XRN1: variants seen among roughly 807,000 people sequenced by gnomAD.
XRN1 encodes the protein 5'-3' exoribonuclease 1, also known as strand-exchange protein 1 homolog.
Under a neutral mutation model 222.3 loss-of-function variants are expected in XRN1, and 67 were observed. The observed-to-expected ratio is 0.30, with a 90% CI of 0.25 to 0.37. The LOEUF (loss-of-function observed/expected upper bound fraction) is 0.37, where lower values mean the gene tolerates loss of function less well. XRN1 is among the 10% of genes least tolerant of loss of function. XRN1 has a pLI of 1.00. For synonymous variants in XRN1, 643 were observed against 652.4 expected, an observed-to-expected ratio of 0.99 and a Z score of 0.22; for missense variants, 1,707 against 2,000.2, an observed-to-expected ratio of 0.85 and a Z score of 2.80.
intron 23 of XRN1, among the ~76,000 whole-genome samples, chr3:142,379,297 C>A (rs925655268): frequency 6.6e-6 from 1 of 151,700 alleles, no homozygotes; most frequent in African/African-American, 2.4e-5. Context: ...AAAACCAAAA[C>A]CAAAACAAAA....
Position 142,404,955 on chromosome 3 carries a change from G to C in XRN1, c.1835C>G (p.Pro612Arg), listed in dbSNP as rs746652025. 2 of 1,613,850 alleles carry C rather than the reference G, an allele frequency of 1.2e-6. No individual in the cohort carries two copies. Among genetic ancestry groups the C allele is most frequent in the South Asian group, 2.2e-5 (2 of 91,074 alleles). The change falls in exon 16 of 41, where the codon CCT (proline) becomes CGT (arginine). Residue 612 changes from proline (P) to arginine (R), a missense_variant. Pro to Arg is a moderately radical substitution (Grantham distance 103, BLOSUM62 -2). This residue lies in a region of XRN1 where 1,234 missense variants were observed against 1,518.2 expected (regional missense o/e 0.81). Coordinates refer to ENST00000392981, the MANE Select transcript of XRN1 (RefSeq NM_001282857.2). ...AGGGAACTTTTCTGGCCATGGAGAA[G>C]GATAGATAAACTCTGTGTCTCTATC... is the stretch of plus-strand genomic sequence containing the variant. ...WYDRDTEFIY[P>R]SPWPEKFPAI... is the part of the protein sequence containing the mutation.
At chr3:142,348,970 G>C (rs1422813500) in intron 32 of XRN1, among the ~76,000 whole-genome samples, 1 of 151,016 alleles carries the variant, frequency 6.6e-6, no homozygotes, top group Admixed American at 6.6e-5. Context: ...TTTTGTTTTT[G>C]AGACAGGGTG....
chr3:142,355,617 T>C lies in XRN1; in HGVS notation c.3673-121A>G, dbSNP rs140447860. 4.4e-4 allele frequency: 263 copies of C among 596,236 alleles called. No individual in the cohort carries two copies. In the African/African-American group the frequency reaches 4.7e-3, roughly 11 times the overall value. The allele number at this position is 596,236 out of a possible 1,614,324, so 36.9% of individuals were successfully genotyped here. On this transcript the variant is annotated intron_variant, in intron 31 of 40. Transcript: ENST00000392981. ...TGGTAGACAGGATATTAAACCTTTT[T>C]TTTTTGACTTGGGGTCTTACTCATG...
chr3:142,313,246 T>G, intron 39 of XRN1: 1 of 1,519,596 alleles, frequency 6.6e-7, no homozygotes, highest in Non-Finnish European at 9.0e-7. Flanking sequence ...ATCTTTCTTT[T>G]CTCTATTTTA....
rs2069210643 is a variant in XRN1, at chr3:142,425,516, T to C, written c.429A>G (p.Leu143=). The C allele has an allele frequency of 1.2e-6, 2 of 1,612,652 alleles. No individual in the cohort carries two copies. The highest frequency in any genetic ancestry group is 1.7e-5 in the Admixed American group (1 of 59,868). Residue 143 remains leucine, a synonymous_variant, in exon 4 of 41, where the codon TTA becomes TTG. Transcript: ENST00000392981. ...TTACAAAATACTTCAGATGTTCATGTAACCTGGCCATAAATTCAGTTCCTA... is the reference window on the plus strand; with the variant it reads ...TTACAAAATACTTCAGATGTTCATGCAACCTGGCCATAAATTCAGTTCCTA... ...ITPGTEFMAR[L]HEHLKYFVNM...
At chr3:142,380,203 G>GTAT (rs1559832609) in intron 22 of XRN1, 23 bp from the exon 23 acceptor site, 1 of 1,573,124 alleles carries the variant, frequency 6.4e-7, no homozygotes, top group Non-Finnish European at 8.7e-7. Context: ...AAAAATCACA[G>GTAT]TATAGTCTCT....
chr3:142,336,324 A>T (rs1427081752), intron 33 of XRN1, among the ~76,000 whole-genome samples: 1 of 152,150 alleles, frequency 6.6e-6, no homozygotes, highest in Admixed American at 6.5e-5. Context: ...ATACTGGATT[A>T]TATAGCTATA....
intron 25 of XRN1, among the ~76,000 whole-genome samples, chr3:142,372,669 C>T (rs1484059895): frequency 6.6e-6 from 1 of 152,204 alleles, no homozygotes; most frequent in South Asian, 2.1e-4. Context: ...CAGCTGAGGG[C>T]TGCCGGAAAG....
intron 32 of XRN1, among the ~76,000 whole-genome samples, chr3:142,354,843 A>C (rs2066417671): frequency 2.0e-5 from 3 of 152,180 alleles, no homozygotes; most frequent in Admixed American, 2.0e-4. Context: ...ATTTTTAAAA[A>C]TGTGGTATAT....
chr3:142,360,559 TA>T (rs1482361855), intron 29 of XRN1, among the ~76,000 whole-genome samples: 11 of 149,044 alleles, frequency 7.4e-5, no homozygotes, highest in East Asian at 2.0e-4. Context: ...TGTACTTTTT[TA>T]AAAAAAAAAA....
intron 1 of XRN1, among the ~76,000 whole-genome samples, chr3:142,439,864 C>A (rs1256382286): frequency 6.6e-6 from 1 of 152,138 alleles, no homozygotes; most frequent in Non-Finnish European, 1.5e-5. Flanking sequence ...GCTTCCAGTG[C>A]GGTCCGCAAG....
rs1414521713 is a variant in XRN1 at position 142,432,835 on chromosome 3, T to C, written c.134A>G (p.His45Arg). 1.2e-6 allele frequency: 2 copies of C among 1,613,998 alleles called. No individual in the cohort carries two copies. The highest frequency in any genetic ancestry group is 1.7e-6 in the Non-Finnish European group (2 of 1,180,006). ...DMNGIIHQCSHPNDDDVHFRI... is the reference protein window; with the variant it reads ...DMNGIIHQCSRPNDDDVHFRI... The stretch of plus-strand genomic sequence containing the variant: ...AAAGTGAACATCATCATCATTAGGA[T>C]GGGAGCACTGATGTATAATTCCATT... Residue 45 changes from histidine (H) to arginine (R), a missense_variant, in exon 2 of 41, where the codon CAT becomes CGT. Physicochemically the swap from His to Arg is conservative, Grantham distance 29. This residue lies in a region of XRN1 where 1,234 missense variants were observed against 1,518.2 expected (regional missense o/e 0.81). Transcript: ENST00000392981.
At chr3:142,417,329 T>C in intron 12 of XRN1, 100 bp from the exon 13 acceptor site, 3 of 910,650 alleles carry the variant, frequency 3.3e-6, no homozygotes, top group Non-Finnish European at 5.0e-6. Context: ...TCAGATGATT[T>C]ATTTAATCAA....
At chr3:142,318,464 G>A in intron 39 of XRN1, 128 bp downstream of exon 39, 1 of 846,144 alleles carries the variant, frequency 1.2e-6, no homozygotes, top group Non-Finnish European at 1.8e-6. Context: ...TCTGCAGGCT[G>A]TGGCTTTAGG....
In XRN1 at chr3:142,418,507, G is replaced by A. The variant is rs1191990465; in HGVS notation, c.1343C>T (p.Ser448Phe). ...YMTKMGVDVV[S>F]DDFLADQAAC... ...AAAAGCATTGGCAAAAACGTACTCA[G>A]ATACTACGTCAACCCCCATCTTCGT... The change falls in exon 12 of 41, where the codon TCT becomes TTT. Residue 448 changes from serine (S) to phenylalanine (F), a missense_variant. Transcript: ENST00000392981. 1.2e-6 allele frequency: 2 copies of A among 1,603,584 alleles called. No homozygotes were observed. The highest frequency in any genetic ancestry group is 1.7e-6 in the Non-Finnish European group (2 of 1,174,786).
At chr3:142,388,460 C>A (rs762166374) in intron 20 of XRN1, among the ~76,000 whole-genome samples, 1 of 151,988 alleles carries the variant, frequency 6.6e-6, no homozygotes, top group Non-Finnish European at 1.5e-5. Flanking sequence ...ATTTTTTTTA[C>A]TGTATTGGGG....
At chr3:142,357,331 A>C (rs376586531) in intron 30 of XRN1, among the ~76,000 whole-genome samples, 6 of 152,190 alleles carry the variant, frequency 3.9e-5, no homozygotes, top group African/African-American at 1.2e-4. Flanking sequence ...AGTATTTACT[A>C]AGTAGAGAAA....
At chr3:142,356,840 C>T (rs1022671756) in intron 31 of XRN1, 72 bp downstream of exon 31, 3 of 1,489,488 alleles carry the variant, frequency 2.0e-6, no homozygotes, top group Non-Finnish European at 2.8e-6. Flanking sequence ...ATTAGGTTTA[C>T]ATTTACAAAG....
At position 142,418,847 on chromosome 3, in the gene XRN1, T is replaced by C; in HGVS notation, c.1208A>G (p.Asp403Gly). The part of the protein sequence containing the change: ...QENSLCWTAL[D>G]KNEGEMITSK... The stretch of plus-strand genomic sequence containing the variant: ...AGTTATCATTTCGCCTTCATTTTTG[T>C]CTAAAGCAGTCCAACACAGAGAATT... Residue 403 changes from aspartate to glycine, a missense_variant, in exon 11 of 41, where the codon GAC becomes GGC. Around this residue, in one of 2 missense-constraint regions of XRN1, gnomAD observed 1,234 missense variants for 1,518.2 expected, o/e 0.81. Coordinates refer to ENST00000392981, the MANE Select transcript of XRN1 (RefSeq NM_001282857.2). The C allele has an allele frequency of 6.2e-7, 1 of 1,614,078 alleles. No individual in the cohort carries two copies. Among genetic ancestry groups the C allele is most frequent in the Admixed American group, 1.7e-5 (1 of 60,026 alleles).
Sources: allele counts gnomAD v4.1 joint callset (sites outside exome capture counted in the v4.1 genomes callset), GRCh38; gene constraint gnomAD v4.1.1; regional missense constraint gnomAD v4.1.1; transcripts MANE v1.5; gene names NCBI Gene and HGNC (gene_info 2026-07-23, HGNC 2026-07-21).